Variants in RFX3 observed in about 807,000 individuals in gnomAD.
RFX3 encodes the protein regulatory factor X3.
In RFX3, 14 loss-of-function variants were observed where a neutral mutation model predicts 98.6. The ratio of observed to expected loss-of-function variants is 0.14; its 90% CI spans 0.09 to 0.22. The LOEUF (loss-of-function observed/expected upper bound fraction) is 0.22. Ranked by LOEUF, RFX3 falls within the 10% of genes least tolerant of loss-of-function variation. The probability of loss-of-function intolerance (pLI) is 1.00; values close to 1 mark genes in which losing one functional copy is unlikely to be tolerated. For missense variants in RFX3, 639 were observed against 926.9 expected (o/e 0.69, Z 4.03); for synonymous variants, 383 against 328.4 (o/e 1.17, Z -1.80).
intron 2 of RFX3, among the ~76,000 whole-genome samples, chr9:3,366,425 C>A (rs1380396026): frequency 6.6e-6 from 1 of 152,094 alleles, no homozygotes; most frequent in Non-Finnish European, 1.5e-5. Context: ...TTAGAGTACT[C>A]CATAGTATAG....
intron 2 of RFX3, among the ~76,000 whole-genome samples, chr9:3,378,883 T>C (rs924772775): frequency 6.6e-6 from 1 of 152,152 alleles, no homozygotes; most frequent in Admixed American, 6.5e-5. Flanking sequence ...GTAAGTCTTG[T>C]TGCACTAACC....
At chr9:3,457,138 T>TAAAA (rs1188350743) in intron 1 of RFX3, among the ~76,000 whole-genome samples, 1 of 15,816 alleles carries the variant, frequency 6.3e-5, no homozygotes, top group African/African-American at 2.1e-4. Flanking sequence ...AGACTCCATC[T>TAAAA]CAAAAAAAAA....
At chr9:3,332,635 C>G (rs1211868578) in intron 3 of RFX3, among the ~76,000 whole-genome samples, 1 of 152,180 alleles carries the variant, frequency 6.6e-6, no homozygotes, top group South Asian at 2.1e-4. Flanking sequence ...TTCCATGATT[C>G]TCTCTTGCCT....
At chr9:3,291,107 A>T (rs1255429671) in intron 6 of RFX3, among the ~76,000 whole-genome samples, 5 of 152,188 alleles carry the variant, frequency 3.3e-5, no homozygotes, top group African/African-American at 7.2e-5. Context: ...GCTCACGCCT[A>T]TAACACCAGC....
rs186691964 is a variant in RFX3, at chr9:3,492,609, C to G, written c.-9+33138G>C. Among the ~76,000 whole-genome samples, 5 of 152,308 alleles carry G rather than the reference C, an allele frequency of 3.3e-5. No individual in the cohort carries two copies. In the East Asian group the frequency reaches 9.6e-4, roughly 29 times the overall value. ...CGCCTACAGGGTAGTCAACAGATAG[C>G]TTGCAAGGGGTGGGGCAACATTGCC... On this transcript the variant is annotated intron_variant, in intron 1 of 16. Coordinates refer to ENST00000617270, the MANE Select transcript of RFX3 (RefSeq NM_001282116.2).
intron 1 of RFX3, among the ~76,000 whole-genome samples, chr9:3,424,618 C>T (rs1843828529): frequency 6.6e-6 from 1 of 151,948 alleles, no homozygotes; most frequent in Admixed American, 6.6e-5. Flanking sequence ...CCTCGGCCTC[C>T]CAAAGTGCTG....
intron 15 of RFX3, chr9:3,247,337 A>G (rs1389679447): frequency 3.0e-6 from 3 of 987,100 alleles, no homozygotes; most frequent in Non-Finnish European, 3.6e-6. Flanking sequence ...TCCCCCTTAC[A>G]TCATTAGTGG....
chr9:3,516,223 T>C (rs1002461635), intron 1 of RFX3, among the ~76,000 whole-genome samples: 6 of 152,020 alleles, frequency 3.9e-5, no homozygotes, highest in African/African-American at 1.4e-4. Flanking sequence ...TAATTTTTTG[T>C]ATTTTTAGTA....
chr9:3,475,100 C>CAA (rs199543385), intron 1 of RFX3, among the ~76,000 whole-genome samples: 9,196 of 96,174 alleles, frequency 0.096, 1,056 homozygotes, highest in African/African-American at 0.28. Flanking sequence ...ACCCTGTCTC[C>CAA]AAAAAAAAAA....
At chr9:3,235,840 CCCCATTT>C (rs1252315295) in intron 15 of RFX3, among the ~76,000 whole-genome samples, 1 of 152,094 alleles carries the variant, frequency 6.6e-6, no homozygotes, top group East Asian at 1.9e-4. Flanking sequence ...AGGATAATCT[CCCCATTT>C]AAATTCAACC....
intron 1 of RFX3, among the ~76,000 whole-genome samples, chr9:3,457,389 C>A (rs2132986828): frequency 6.6e-6 from 1 of 152,160 alleles, no homozygotes; most frequent in African/African-American, 2.4e-5. Flanking sequence ...CAAAAAAGTG[C>A]TTTCTCATCA....
chr9:3,318,956 G>A (rs1488406534), intron 4 of RFX3, among the ~76,000 whole-genome samples: 1 of 152,122 alleles, frequency 6.6e-6, no homozygotes, highest in African/African-American at 2.4e-5. Context: ...CTCACTAGAA[G>A]CCTATGAGTC....
intron 4 of RFX3, among the ~76,000 whole-genome samples, chr9:3,315,944 G>A (rs1003176010): frequency 6.6e-6 from 1 of 152,154 alleles, no homozygotes; most frequent in Non-Finnish European, 1.5e-5. Flanking sequence ...TCTACTAGAG[G>A]TACAAAGAGG....
rs34770513 is a variant in RFX3, at chr9:3,426,069, C to T, written c.-8-30473G>A. Among the ~76,000 whole-genome samples, 5 of 151,996 alleles carry T rather than the reference C, an allele frequency of 3.3e-5. No individual in the cohort carries two copies. The South Asian group carries it at 6.2e-4, about 19-fold the overall frequency. ...AATGATCTTTTTTAAATATACTATA[C>T]GATTGGATTTACTTATATTTTATTT... On this transcript the variant is annotated intron_variant, in intron 1 of 16. Coordinates refer to ENST00000617270, the MANE Select transcript of RFX3 (RefSeq NM_001282116.2).
intron 2 of RFX3, among the ~76,000 whole-genome samples, chr9:3,348,700 T>A (rs1449698289): frequency 2.0e-5 from 3 of 152,102 alleles, no homozygotes; most frequent in African/African-American, 7.2e-5. Context: ...GTGTGGTTTT[T>A]TATTTTGTTT....
At chr9:3,351,908 T>A (rs1415465200) in intron 2 of RFX3, among the ~76,000 whole-genome samples, 1 of 152,102 alleles carries the variant, frequency 6.6e-6, no homozygotes, top group East Asian at 1.9e-4. Context: ...GGCATATCAT[T>A]TGACATTTTT....
At chr9:3,262,266 A>G (rs867028272) in intron 13 of RFX3, among the ~76,000 whole-genome samples, 4 of 152,174 alleles carry the variant, frequency 2.6e-5, no homozygotes, top group African/African-American at 9.6e-5. Flanking sequence ...GTATTTATTG[A>G]TATTGAAACT....
intron 1 of RFX3, among the ~76,000 whole-genome samples, chr9:3,499,339 T>TC (rs1319801925): frequency 6.6e-6 from 1 of 151,766 alleles, no homozygotes; most frequent in Non-Finnish European, 1.5e-5. Flanking sequence ...TAAAAACCAT[T>TC]CCCCCAAAAA....
At chr9:3,486,513 T>TC (rs771143684) in intron 1 of RFX3, among the ~76,000 whole-genome samples, 2 of 152,228 alleles carry the variant, frequency 1.3e-5, no homozygotes, top group Non-Finnish European at 2.9e-5. Context: ...ACCCATTTTT[T>TC]CTGCCCTTTT....
Sources: gnomAD v4.1 joint callset for allele counts (sites outside exome capture counted in the v4.1 genomes callset) on GRCh38, gnomAD v4.1.1 for gene constraint, MANE v1.5 for transcripts, NCBI Gene and HGNC (gene_info 2026-07-23, HGNC 2026-07-21) for gene names.